PRKN: variants seen among roughly 807,000 people sequenced by gnomAD.
PRKN encodes the protein parkin RBR E3 ubiquitin protein ligase.
PRKN carries 56 observed loss-of-function variants against 59.5 expected under a neutral mutation model. That is an observed-to-expected ratio of 0.94 (90% CI 0.76 to 1.18). The LOEUF is 1.18. Ranked by LOEUF, PRKN falls within the 50% of genes most tolerant of loss-of-function variation. The pLI is 0.00. For synonymous variants in PRKN, 250 were observed against 222.1 expected, an observed-to-expected ratio of 1.13 and a Z score of -1.12; for missense variants, 657 against 596.4, an observed-to-expected ratio of 1.10 and a Z score of -1.06.
chr6:161,371,180 T>C lies in PRKN; in HGVS notation c.1168-10975A>G, dbSNP rs1334387452. On this transcript the variant is annotated intron_variant, in intron 10 of 11. Coordinates refer to ENST00000366898, the MANE Select transcript of PRKN (RefSeq NM_004562.3). This position sits in a 1 kb window ranked among gnomAD's most constrained non-coding sequence, Gnocchi z 5.5. ...TAAATGTATTTTGTTATTTTTTTTT[T>C]TGAGACGTTGTTTCGCTCCTGTTGC... Among the ~76,000 whole-genome samples the C allele has an allele frequency of 6.6e-6, 1 of 151,838 alleles. No individual in the cohort carries two copies. The highest frequency in any genetic ancestry group is 2.4e-5 in the African/African-American group (1 of 41,114).
intron 4 of PRKN, among the ~76,000 whole-genome samples, chr6:162,196,118 T>C (rs1263215720): frequency 6.6e-6 from 1 of 152,152 alleles, no homozygotes; most frequent in Non-Finnish European, 1.5e-5. Context: ...AAGACAATGA[T>C]AGTAGCAAGG....
Position 161,498,928 on chromosome 6 carries a change from AGTGT to A in PRKN, c.1083+49922_1083+49925del, listed in dbSNP as rs1473160966. On this transcript the variant is annotated intron_variant, in intron 9 of 11. Coordinates refer to ENST00000366898, the MANE Select transcript of PRKN (RefSeq NM_004562.3). The surrounding 1 kb of genome is among the most constrained non-coding windows in gnomAD (Gnocchi z 4.2). ...TCATGTTGAAGAGTGAGATGGGGTGAGTGTGTGTGTATGGGGATGGGGGAGGATT... is the reference window on the plus strand; with the variant it reads ...TCATGTTGAAGAGTGAGATGGGGTGAGTGTGTATGGGGATGGGGGAGGATT... Among the ~76,000 whole-genome samples, 2 of 151,884 alleles carry A rather than the reference AGTGT, an allele frequency of 1.3e-5. No individual in the cohort carries two copies. Among genetic ancestry groups the A allele is most frequent in the Non-Finnish European group, 2.9e-5 (2 of 68,020 alleles).
intron 6 of PRKN, among the ~76,000 whole-genome samples, chr6:161,827,303 G>C (rs1247221577): frequency 1.3e-5 from 2 of 152,138 alleles, no homozygotes; most frequent in South Asian, 2.1e-4. Context: ...CTAGGGAACT[G>C]AGATTTCCCA....
At position 161,546,143 on chromosome 6, in the gene PRKN, C is replaced by A. The variant is rs551593614; in HGVS notation, c.1083+2711G>T. Among the ~76,000 whole-genome samples the A allele has an allele frequency of 6.6e-6, 1 of 152,294 alleles. No homozygotes were observed. Among genetic ancestry groups the A allele is most frequent in the African/African-American group, 2.4e-5 (1 of 41,560 alleles). On this transcript the variant is annotated intron_variant, in intron 9 of 11. Coordinates refer to ENST00000366898, the MANE Select transcript of PRKN (RefSeq NM_004562.3). The surrounding 1 kb of genome is among the most constrained non-coding windows in gnomAD (Gnocchi z 4.4). ...TTTGGGTGAGCTTTGGATAAATATT[C>A]ATTAAGCTTTTGATTAAATATTAAA... is the stretch of plus-strand genomic sequence containing the variant.
chr6:162,471,389 T>A (rs1016708014), intron 1 of PRKN, among the ~76,000 whole-genome samples: 1 of 152,182 alleles, frequency 6.6e-6, no homozygotes, highest in East Asian at 1.9e-4. Flanking sequence ...TGAGCCACTG[T>A]ACCTCGCCTC....
chr6:162,075,483 G>A (rs955408248), intron 4 of PRKN, among the ~76,000 whole-genome samples: 1 of 152,042 alleles, frequency 6.6e-6, no homozygotes, highest in Non-Finnish European at 1.5e-5. Context: ...TTAAGAAAGG[G>A]AAAGGTACAA....
intron 1 of PRKN, among the ~76,000 whole-genome samples, chr6:162,461,434 G>A (rs1000623988): frequency 7.0e-6 from 1 of 141,856 alleles, no homozygotes; most frequent in African/African-American, 2.6e-5. Flanking sequence ...CCTGGGAGGT[G>A]GAGGCTGCAG....
intron 6 of PRKN, among the ~76,000 whole-genome samples, chr6:161,928,211 C>T (rs1360415036): frequency 6.6e-6 from 1 of 152,224 alleles, no homozygotes; most frequent in Non-Finnish European, 1.5e-5. Context: ...GCCTTCAAAA[C>T]TGTCAGAAAT....
At chr6:162,085,967 T>C (rs932672078) in intron 4 of PRKN, among the ~76,000 whole-genome samples, 2 of 152,224 alleles carry the variant, frequency 1.3e-5, no homozygotes, top group Admixed American at 1.3e-4. Context: ...TTTGCCATTC[T>C]ACTCTATCCA....
intron 2 of PRKN, among the ~76,000 whole-genome samples, chr6:162,363,965 C>G (rs1230391571): frequency 1.3e-5 from 2 of 152,192 alleles, no homozygotes; most frequent in East Asian, 3.9e-4. Context: ...GGCTGTGATG[C>G]AAATCCACCC....
intron 9 of PRKN, among the ~76,000 whole-genome samples, chr6:161,408,831 A>G (rs1042097251): frequency 2.8e-4 from 42 of 152,214 alleles, no homozygotes; most frequent in African/African-American, 8.9e-4. Flanking sequence ...GAAATAGCCA[A>G]TGAAATCTTA....
In PRKN at chr6:161,466,105, G is replaced by A. The variant is rs143484708; in HGVS notation, c.1084-79228C>T. Reference sequence around the variant, plus strand: ...GTGTCTGTGTGGGGAGGACACTTAAGACCTAGTCTTAGCACATTTCAAGTA... The same window carrying A: ...GTGTCTGTGTGGGGAGGACACTTAAAACCTAGTCTTAGCACATTTCAAGTA... On this transcript the variant is annotated intron_variant, in intron 9 of 11. Transcript: ENST00000366898. The surrounding 1 kb of genome is among the most constrained non-coding windows in gnomAD (Gnocchi z 5.0). Among the ~76,000 whole-genome samples, 1,128 of 152,008 alleles carry A rather than the reference G, an allele frequency of 7.4e-3. 18 individuals are homozygous for A. The highest frequency in any genetic ancestry group is 0.026 in the African/African-American group (1,096 of 41,476).
chr6:161,655,829 C>T (rs1784323663), intron 7 of PRKN, among the ~76,000 whole-genome samples: 1 of 149,358 alleles, frequency 6.7e-6, no homozygotes, highest in Non-Finnish European at 1.5e-5. Flanking sequence ...TATTGATTTC[C>T]AGTTCAAACT....
At chr6:162,151,381 T>C (rs1782263224) in intron 4 of PRKN, among the ~76,000 whole-genome samples, 1 of 152,220 alleles carries the variant, frequency 6.6e-6, no homozygotes, top group Admixed American at 6.5e-5. Flanking sequence ...TAGAAACATA[T>C]GATTTAAACA....
chr6:162,263,741 G>A (rs1183349844), intron 2 of PRKN, among the ~76,000 whole-genome samples: 1 of 151,730 alleles, frequency 6.6e-6, no homozygotes, highest in East Asian at 1.9e-4. Flanking sequence ...ATAGCCTGAG[G>A]TCAGGAGTTC....
chr6:161,864,658 GTTTGT>G (rs2128225410), intron 6 of PRKN, among the ~76,000 whole-genome samples: 1 of 151,926 alleles, frequency 6.6e-6, no homozygotes, highest in East Asian at 1.9e-4. Flanking sequence ...TTTTGTTTTA[GTTTGT>G]TTTGTTTTTT....
chr6:162,290,350 C>A (rs1781372826), intron 2 of PRKN, among the ~76,000 whole-genome samples: 1 of 152,176 alleles, frequency 6.6e-6, no homozygotes, highest in Admixed American at 6.5e-5. Context: ...TTTTTCCACT[C>A]TTGAGTGGCC....
chr6:162,120,825 T>A (rs1218965619), intron 4 of PRKN, among the ~76,000 whole-genome samples: 1 of 152,158 alleles, frequency 6.6e-6, no homozygotes, highest in Non-Finnish European at 1.5e-5. Context: ...TGTCAAAGAT[T>A]TGAAAAAGGC....
intron 9 of PRKN, among the ~76,000 whole-genome samples, chr6:161,490,182 T>G (rs751480977): frequency 6.6e-6 from 1 of 152,198 alleles, no homozygotes; most frequent in Admixed American, 6.5e-5. Flanking sequence ...GGAGTATCCC[T>G]GGTCACAAAG....
Sources: gnomAD v4.1 joint callset for allele counts (sites outside exome capture counted in the v4.1 genomes callset) on GRCh38, gnomAD v4.1.1 for gene constraint, Gnocchi (gnomAD v3.1) non-coding constraint, MANE v1.5 for transcripts, NCBI Gene and HGNC (gene_info 2026-07-23, HGNC 2026-07-21) for gene names.